Variants in SDC4 observed in about 807,000 individuals in gnomAD.
SDC4 encodes the protein syndecan-4.
In SDC4, 17 loss-of-function variants were observed where a neutral mutation model predicts 20.5. That is an observed-to-expected ratio of 0.83 (90% CI 0.57 to 1.25). The LOEUF is 1.25. Among genes scored for constraint, SDC4 ranks in the 50% most tolerant of loss-of-function variants. The probability of loss-of-function intolerance (pLI) is 0.00; values close to 1 mark genes in which losing one functional copy is unlikely to be tolerated. For missense variants in SDC4, 241 were observed against 252.3 expected, an observed-to-expected ratio of 0.96 and a Z score of 0.30; for synonymous variants, 107 against 105.3, an observed-to-expected ratio of 1.02 and a Z score of -0.10.
intron 1 of SDC4, among the ~76,000 whole-genome samples, chr20:45,347,179 CAAG>C (rs1405792506): frequency 6.6e-6 from 1 of 152,160 alleles, no homozygotes; most frequent in African/African-American, 2.4e-5. Flanking sequence ...ATTCATTCCT[CAAG>C]AAGAGCCTGC....
Position 45,326,763 on chromosome 20 carries a change from A to G in SDC4, c.*501T>C, listed in dbSNP as rs1472748096. Reference sequence around the variant, plus strand: ...AGGTATATACCACAGAGATTCCCGTAGTGTGATCACAAGTACCCATTTACA... The same window carrying G: ...AGGTATATACCACAGAGATTCCCGTGGTGTGATCACAAGTACCCATTTACA... On this transcript the variant is annotated 3_prime_UTR_variant, in exon 5 of 5. Coordinates refer to ENST00000372733, the MANE Select transcript of SDC4 (RefSeq NM_002999.4). 6.5e-6 allele frequency: 1 copy of G among 153,278 alleles called. No individual in the cohort carries two copies. The highest frequency in any genetic ancestry group is 1.5e-5 in the Non-Finnish European group (1 of 68,464). 9.5% of individuals were successfully genotyped at this position (153,278 alleles called of 1,614,324 possible).
At chr20:45,347,027 A>C (rs1981430) in intron 1 of SDC4, among the ~76,000 whole-genome samples, 68,044 of 152,058 alleles carry the variant, frequency 0.45, 17,448 homozygotes, top group East Asian at 0.88. Context: ...AGTACACAGT[A>C]AGATTGTTGT....
At chr20:45,334,107 G>C (rs1051158325) in intron 2 of SDC4, among the ~76,000 whole-genome samples, 1 of 151,864 alleles carries the variant, frequency 6.6e-6, no homozygotes, top group Non-Finnish European at 1.5e-5. Context: ...CGATTCTCCT[G>C]CCTCAGCCCC....
chr20:45,344,620 CAAGTCCT>C (rs1196088346), intron 1 of SDC4, among the ~76,000 whole-genome samples: 1 of 152,192 alleles, frequency 6.6e-6, no homozygotes, highest in Non-Finnish European at 1.5e-5. Context: ...CTCAGCACTC[CAAGTCCT>C]TGGAAAAGCC....
intron 3 of SDC4, among the ~76,000 whole-genome samples, chr20:45,330,940 A>G (rs981179939): frequency 6.6e-6 from 1 of 152,236 alleles, no homozygotes; most frequent in Non-Finnish European, 1.5e-5. Flanking sequence ...GGAGCTCTTC[A>G]GAGACTACGT....
chr20:45,331,902 C>G (rs1180503142), intron 3 of SDC4, among the ~76,000 whole-genome samples: 1 of 152,218 alleles, frequency 6.6e-6, no homozygotes, highest in Non-Finnish European at 1.5e-5. Context: ...TGCCACTGCT[C>G]TACCTATGGA....
At chr20:45,339,615 C>T (rs1568907684) in intron 1 of SDC4, among the ~76,000 whole-genome samples, 1 of 152,190 alleles carries the variant, frequency 6.6e-6, no homozygotes, top group Non-Finnish European at 1.5e-5. Context: ...TTGTGCACGC[C>T]TGTGGTCCCA....
chr20:45,346,200 C>G (rs866793798), intron 1 of SDC4, among the ~76,000 whole-genome samples: 5 of 152,202 alleles, frequency 3.3e-5, no homozygotes, highest in South Asian at 2.1e-4. Flanking sequence ...GCTGGATCAT[C>G]TCTTCAGTCC....
At chr20:45,334,306 A>C (rs1987827983) in intron 2 of SDC4, among the ~76,000 whole-genome samples, 2 of 151,960 alleles carry the variant, frequency 1.3e-5, no homozygotes, top group South Asian at 4.2e-4. Flanking sequence ...CAAAATCTAC[A>C]TTTTAACAAG....
rs1987697818 is a variant in SDC4 at position 45,326,817 on chromosome 20, G to A, written c.*447C>T. On this transcript the variant is annotated 3_prime_UTR_variant, in exon 5 of 5. Coordinates refer to ENST00000372733, the MANE Select transcript of SDC4 (RefSeq NM_002999.4). Reference sequence around the variant, plus strand: ...ACATCTCAAGGTGCAGGTGGTTCTAGTTCCTTCCCCCATTTCCTGGCAGAG... The same window carrying A: ...ACATCTCAAGGTGCAGGTGGTTCTAATTCCTTCCCCCATTTCCTGGCAGAG... The A allele has an allele frequency of 1.9e-5, 3 of 157,416 alleles. No homozygotes were observed. The highest frequency in any genetic ancestry group is 1.2e-4 in the Admixed American group (2 of 16,034). The allele number at this position is 157,416 out of a possible 1,614,324, so 9.8% of individuals were successfully genotyped here.
chr20:45,340,205 T>C (rs1025402016), intron 1 of SDC4, among the ~76,000 whole-genome samples: 1 of 152,228 alleles, frequency 6.6e-6, no homozygotes, highest in Non-Finnish European at 1.5e-5. Flanking sequence ...CTATGGCTTC[T>C]ATCACCCCAG....
chr20:45,327,171 T>C lies in SDC4; in HGVS notation c.*93A>G, dbSNP rs1987703866. 1.5e-6 allele frequency: 2 copies of C among 1,331,330 alleles called. No individual in the cohort carries two copies. Among genetic ancestry groups the C allele is most frequent in the African/African-American group, 1.4e-5 (1 of 69,494 alleles). The allele number at this position is 1,331,330 out of a possible 1,614,324, so 82.5% of individuals were successfully genotyped here. On this transcript the variant is annotated 3_prime_UTR_variant, in exon 5 of 5. Coordinates refer to ENST00000372733, the MANE Select transcript of SDC4 (RefSeq NM_002999.4). ...AGCTGGAGATACTGACAAGTCAGTATTAGGTTGACCTCACCCTACCCTAAT... is the reference window on the plus strand; with the variant it reads ...AGCTGGAGATACTGACAAGTCAGTACTAGGTTGACCTCACCCTACCCTAAT...
rs758074762 is a variant in SDC4 at position 45,327,137 on chromosome 20, G to A, written c.*127C>T. 1 of 957,048 alleles carries A rather than the reference G, an allele frequency of 1.0e-6. No individual in the cohort carries two copies. The allele number at this position is 957,048 out of a possible 1,614,324, so 59.3% of individuals were successfully genotyped here. A position where few individuals can be genotyped will look rare whatever the true frequency, so the allele number is the denominator to read the frequency against. ...CAATGTCTCTTCTGAACACTTCAAA[G>A]GTAATCAGAGCTGGAGATACTGACA... On this transcript the variant is annotated 3_prime_UTR_variant, in exon 5 of 5. Coordinates refer to ENST00000372733, the MANE Select transcript of SDC4 (RefSeq NM_002999.4).
intron 2 of SDC4, 54 bp downstream of exon 2, chr20:45,335,728 A>C: frequency 6.3e-7 from 1 of 1,579,304 alleles, no homozygotes; most frequent in South Asian, 1.1e-5. Flanking sequence ...TGGCTGGTGA[A>C]GCCACCACTC....
chr20:45,346,132 T>C (rs886272420), intron 1 of SDC4, among the ~76,000 whole-genome samples: 13 of 152,186 alleles, frequency 8.5e-5, no homozygotes, highest in Admixed American at 6.5e-5. Context: ...TAACTGCTAT[T>C]AGCAAAGTCC....
In SDC4 at chr20:45,325,776, G is replaced by A. The variant is rs987534747; in HGVS notation, c.*1488C>T. 3 of 152,272 alleles carry A rather than the reference G, an allele frequency of 2.0e-5. No homozygotes were observed. The highest frequency in any genetic ancestry group is 2.9e-5 in the Non-Finnish European group (2 of 68,048). 9.4% of individuals were successfully genotyped at this position (152,272 alleles called of 1,614,324 possible). On this transcript the variant is annotated 3_prime_UTR_variant, in exon 5 of 5. Coordinates refer to ENST00000372733, the MANE Select transcript of SDC4 (RefSeq NM_002999.4). ...GTAGCCATGAACTACATACAGTGACGCCTCTAGAAACGTGGTTAGTGCAAC... is the reference window on the plus strand; with the variant it reads ...GTAGCCATGAACTACATACAGTGACACCTCTAGAAACGTGGTTAGTGCAAC...
At position 45,327,337 on chromosome 20, in the gene SDC4, T is replaced by C. The variant is rs1461374585; in HGVS notation, c.524A>G (p.Lys175Arg). 5.0e-6 allele frequency: 8 copies of C among 1,614,038 alleles called. No individual in the cohort carries two copies. In the African/African-American group the frequency reaches 5.3e-5, roughly 11 times the overall value. The change falls in exon 5 of 5, where the codon AAG becomes AGG. Residue 175 changes from lysine (K) to arginine (R), a missense_variant. Coordinates refer to ENST00000372733, the MANE Select transcript of SDC4 (RefSeq NM_002999.4). ...GCCCAGGTCATAGCTGCCTTCATCC[T>C]TCTTCTTCATACGGTACATGAGCAG... ...ILLLMYRMKK[K>R]DEGSYDLGKK...
chr20:45,339,788 G>A (rs1280840258), intron 1 of SDC4, among the ~76,000 whole-genome samples: 1 of 152,192 alleles, frequency 6.6e-6, no homozygotes, highest in South Asian at 2.1e-4. Context: ...AGACTCTGCT[G>A]GCCCTGTGGC....
At chr20:45,336,020 G>C (rs1987859930) in intron 1 of SDC4, 100 bp from the exon 2 acceptor site, 1 of 1,363,052 alleles carries the variant, frequency 7.3e-7, no homozygotes, top group Non-Finnish European at 1.0e-6. Context: ...ACTAGAAAGA[G>C]ACCAGGCCAG....
Sources: gnomAD v4.1 joint callset for allele counts (sites outside exome capture counted in the v4.1 genomes callset) on GRCh38, gnomAD v4.1.1 for gene constraint, MANE v1.5 for transcripts, NCBI Gene and HGNC (gene_info 2026-07-23, HGNC 2026-07-21) for gene names.